The following MARCHF6 variants were observed in gnomAD, a reference collection of about 807,000 sequenced individuals.
MARCHF6 encodes E3 ubiquitin-protein ligase MARCHF6.
In MARCHF6, 31 loss-of-function variants were observed where a neutral mutation model predicts 133.7. The ratio of observed to expected loss-of-function variants is 0.23; its 90% CI spans 0.17 to 0.31. MARCHF6 has a LOEUF of 0.31. Ranked by LOEUF, MARCHF6 falls within the 10% of genes least tolerant of loss-of-function variation. The pLI, the probability that MARCHF6 is intolerant of heterozygous loss-of-function variation, is 1.00. For synonymous variants in MARCHF6, 395 were observed against 402.5 expected, an observed-to-expected ratio of 0.98 and a Z score of 0.22; for missense variants, 723 against 1,121.6, an observed-to-expected ratio of 0.64 and a Z score of 5.08.
rs571178475 is a variant in MARCHF6 at position 10,378,555 on chromosome 5, A to G, written c.117-204A>G. Among the ~76,000 whole-genome samples, 31 of 152,334 alleles carry G rather than the reference A, an allele frequency of 2.0e-4. No homozygotes were observed. The South Asian group carries it at 4.8e-3, about 23-fold the overall frequency. ...TAATTGAACCTTTTTTAATGGTAGAAAAATGTGTTGTTTTTATCTCTAGCT... is the reference window on the plus strand; with the variant it reads ...TAATTGAACCTTTTTTAATGGTAGAGAAATGTGTTGTTTTTATCTCTAGCT... On this transcript the variant is annotated intron_variant, in intron 2 of 25. Coordinates refer to ENST00000274140, the MANE Select transcript of MARCHF6 (RefSeq NM_005885.4).
At chr5:10,363,028 A>G (rs1284098437) in intron 1 of MARCHF6, among the ~76,000 whole-genome samples, 1 of 152,176 alleles carries the variant, frequency 6.6e-6, no homozygotes, top group East Asian at 1.9e-4. Flanking sequence ...CTTGTACCAT[A>G]TACCAAAATT....
chr5:10,393,863 A>C (rs1738020041), intron 7 of MARCHF6, among the ~76,000 whole-genome samples: 1 of 152,218 alleles, frequency 6.6e-6, no homozygotes, highest in East Asian at 1.9e-4. Context: ...CATTTATCTC[A>C]ATCTAGGATT....
At chr5:10,381,664 G>T in intron 3 of MARCHF6, 136 bp from the exon 4 acceptor site, 2 of 646,264 alleles carry the variant, frequency 3.1e-6, no homozygotes. Flanking sequence ...TAACTATTTG[G>T]TTTATTTTTT....
At chr5:10,429,391 G>A (rs74485356) in intron 24 of MARCHF6, among the ~76,000 whole-genome samples, 1 of 146,156 alleles carries the variant, frequency 6.8e-6, no homozygotes, top group Non-Finnish European at 1.5e-5. Context: ...ATCTCGTCCA[G>A]TTCCTTTTTT....
At chr5:10,397,246 C>A in intron 9 of MARCHF6, 47 bp from the exon 10 acceptor site, 4 of 1,350,580 alleles carry the variant, frequency 3.0e-6, no homozygotes, top group Non-Finnish European at 3.1e-6. Context: ...ATTAAACATA[C>A]ATTAAGTATG....
At chr5:10,419,217 C>G (rs2126309036) in intron 22 of MARCHF6, among the ~76,000 whole-genome samples, 1 of 152,310 alleles carries the variant, frequency 6.6e-6, no homozygotes, top group East Asian at 1.9e-4. Flanking sequence ...TTGAGTACTT[C>G]TACAGCTATT....
chr5:10,367,376 T>A (rs1393200856), intron 1 of MARCHF6, among the ~76,000 whole-genome samples: 1 of 152,192 alleles, frequency 6.6e-6, no homozygotes, highest in African/African-American at 2.4e-5. Context: ...GTGTGCTGGG[T>A]ATATGGGAAC....
rs1480856601 is a variant in MARCHF6 at position 10,400,873 on chromosome 5, C to A, written c.972+31C>A. On this transcript the variant is annotated intron_variant, in intron 11 of 25. Transcript: ENST00000274140. ...TATAATACTTTTACAAAGTTACTTT[C>A]ATTCATTACTCCCAAATGTGATTAT... 3.4e-6 allele frequency: 5 copies of A among 1,463,580 alleles called. No homozygotes were observed. In the African/African-American group the frequency reaches 4.2e-5, roughly 12 times the overall value. 90.7% of individuals were successfully genotyped at this position (1,463,580 alleles called of 1,614,324 possible). A position where few individuals can be genotyped will look rare whatever the true frequency, so the allele number is the denominator to read the frequency against.
At chr5:10,375,167 G>A (rs1736694568) in intron 1 of MARCHF6, among the ~76,000 whole-genome samples, 1 of 152,208 alleles carries the variant, frequency 6.6e-6, no homozygotes, top group African/African-American at 2.4e-5. Flanking sequence ...AGGGAGAGGC[G>A]CGAGCGGGAA....
chr5:10,417,579 CTA>C (rs1483030573), intron 22 of MARCHF6, 175 bp downstream of exon 22: 13 of 738,430 alleles, frequency 1.8e-5, no homozygotes, highest in Admixed American at 1.5e-4. Context: ...GACCTAGTCT[CTA>C]TAAAAAATTG....
intron 22 of MARCHF6, among the ~76,000 whole-genome samples, chr5:10,420,356 A>G (rs746296815): frequency 5.3e-5 from 8 of 152,106 alleles, no homozygotes; most frequent in Non-Finnish European, 5.9e-5. Flanking sequence ...GTTACATTGC[A>G]GTGTGAAAGT....
At chr5:10,426,310 C>A in intron 23 of MARCHF6, 80 bp from the exon 24 acceptor site, 9 of 1,492,724 alleles carry the variant, frequency 6.0e-6, no homozygotes, top group Non-Finnish European at 8.2e-6. Flanking sequence ...TTGGCAGATT[C>A]AGTTGTGTGG....
rs114692585 is a variant in MARCHF6 at position 10,416,676 on chromosome 5, T to G, written c.2149-594T>G. Reference sequence around the variant, plus strand: ...GGATCCAAGGCCACTTTAAATCATTTTTTTTTTGGTCAGAATTTCATCATT... The same window carrying G: ...GGATCCAAGGCCACTTTAAATCATTGTTTTTTTGGTCAGAATTTCATCATT... On this transcript the variant is annotated intron_variant, in intron 21 of 25. Transcript: ENST00000274140. Among the ~76,000 whole-genome samples the G allele has an allele frequency of 4.6e-3, 708 of 152,332 alleles. 6 individuals are homozygous for G. Among genetic ancestry groups the G allele is most frequent in the African/African-American group, 0.016 (670 of 41,570 alleles).
chr5:10,429,411 T>C (rs1458161698), intron 24 of MARCHF6, among the ~76,000 whole-genome samples: 3 of 149,226 alleles, frequency 2.0e-5, no homozygotes, highest in Admixed American at 6.6e-5. Flanking sequence ...TTTTTTTTTT[T>C]TGAGGCAGGG....
At chr5:10,426,069 C>G (rs79083947) in intron 23 of MARCHF6, among the ~76,000 whole-genome samples, 8,221 of 152,184 alleles carry the variant, frequency 0.054, 742 homozygotes, top group African/African-American at 0.19. Flanking sequence ...GAAGTTACTT[C>G]AAGTAATGTG....
intron 1 of MARCHF6, among the ~76,000 whole-genome samples, chr5:10,375,736 A>G (rs1736738780): frequency 6.6e-6 from 1 of 152,084 alleles, no homozygotes; most frequent in Admixed American, 6.5e-5. Flanking sequence ...GACACTCTGT[A>G]TCTAGCTGCT....
At chr5:10,401,647 C>G (rs189673997) in intron 11 of MARCHF6, 5 of 198,544 alleles carry the variant, frequency 2.5e-5, no homozygotes, top group Non-Finnish European at 2.0e-5. Context: ...ACAGTTACTT[C>G]TAGTGGTAGG....
At chr5:10,380,155 T>TTGTGTGTGTGTGTG (rs200405883) in intron 3 of MARCHF6, among the ~76,000 whole-genome samples, 9 of 145,852 alleles carry the variant, frequency 6.2e-5, no homozygotes, top group African/African-American at 2.3e-4. Context: ...TGTGTTTTAG[T>TTGTGTGTGTGTGTG]TGTGTGTGTG....
At position 10,438,313 on chromosome 5, in the gene MARCHF6, A is replaced by G. The variant is rs367807830; in HGVS notation, c.*4629A>G. On this transcript the variant is annotated 3_prime_UTR_variant, in exon 26 of 26. Coordinates refer to ENST00000274140, the MANE Select transcript of MARCHF6 (RefSeq NM_005885.4). ...TGAGGAGATCCTTTTGCTTCAGACT[A>G]TTTCTAATTTTTCTTTGTTTATAGG... is the stretch of plus-strand genomic sequence containing the variant. 2.0e-5 allele frequency: 3 copies of G among 152,110 alleles called. No individual in the cohort carries two copies. The highest frequency in any genetic ancestry group is 4.8e-5 in the African/African-American group (2 of 41,410). 9.4% of individuals were successfully genotyped at this position (152,110 alleles called of 1,614,324 possible). A position where few individuals can be genotyped will look rare whatever the true frequency, so the allele number is the denominator to read the frequency against.
Sources: gnomAD v4.1 joint callset for allele counts (sites outside exome capture counted in the v4.1 genomes callset) on GRCh38, gnomAD v4.1.1 for gene constraint, MANE v1.5 for transcripts, NCBI Gene and HGNC (gene_info 2026-07-23, HGNC 2026-07-21) for gene names.